Variants in NWD2 observed in about 807,000 individuals in gnomAD.
The protein encoded by NWD2 is NACHT and WD repeat domain containing 2.
NWD2 carries 37 observed loss-of-function variants against 132.7 expected under a neutral mutation model. That is an observed-to-expected ratio of 0.28 (90% confidence interval 0.21 to 0.37). The LOEUF is 0.37. Ranked by LOEUF, NWD2 falls within the 10% of genes least tolerant of loss-of-function variation. The probability of loss-of-function intolerance (pLI) is 1.00; values close to 1 mark genes in which losing one functional copy is unlikely to be tolerated. For synonymous variants in NWD2, 705 were observed against 803.0 expected (o/e 0.88, Z 2.06); for missense variants, 1,592 against 2,122.4 (o/e 0.75, Z 4.91).
intron 3 of NWD2, among the ~76,000 whole-genome samples, chr4:37,380,368 C>T (rs1720430080): frequency 6.6e-6 from 1 of 152,238 alleles, no homozygotes. Context: ...AGAGTACGGA[C>T]TCTGAAATCA....
chr4:37,306,107 A>G (rs1446783232), intron 1 of NWD2, among the ~76,000 whole-genome samples: 4 of 151,988 alleles, frequency 2.6e-5, no homozygotes, highest in African/African-American at 4.8e-5. Flanking sequence ...CATTTTTTGT[A>G]GATTTTCCAT....
intron 2 of NWD2, among the ~76,000 whole-genome samples, chr4:37,332,720 G>A (rs1719319067): frequency 6.6e-6 from 1 of 152,168 alleles, no homozygotes; most frequent in African/African-American, 2.4e-5. Context: ...GAAGAATAAA[G>A]GGAAATTTAT....
chr4:37,354,036 C>T (rs1269372329), intron 2 of NWD2, among the ~76,000 whole-genome samples: 2 of 151,960 alleles, frequency 1.3e-5, no homozygotes, highest in African/African-American at 4.8e-5. Context: ...GTGTGGACAT[C>T]CTTTTTGTTG....
chr4:37,402,719 A>C (rs1447145599), intron 3 of NWD2, among the ~76,000 whole-genome samples: 1 of 152,172 alleles, frequency 6.6e-6, no homozygotes, highest in Non-Finnish European at 1.5e-5. Flanking sequence ...GCTGTTCACA[A>C]ACCCAGCTGC....
chr4:37,334,382 C>G (rs556827055), intron 2 of NWD2, among the ~76,000 whole-genome samples: 8 of 152,342 alleles, frequency 5.3e-5, no homozygotes, highest in African/African-American at 1.9e-4. Flanking sequence ...CCAGTCCATC[C>G]TCAGCCTGTG....
At chr4:37,328,468 C>T (rs970882368) in intron 2 of NWD2, among the ~76,000 whole-genome samples, 2 of 151,870 alleles carry the variant, frequency 1.3e-5, no homozygotes, top group African/African-American at 4.8e-5. Context: ...TTGTTCAATG[C>T]CCACTTATGA....
chr4:37,327,772 G>A (rs1719203103), intron 2 of NWD2, among the ~76,000 whole-genome samples: 1 of 151,978 alleles, frequency 6.6e-6, no homozygotes. Flanking sequence ...TTTTTAGAGA[G>A]GCAGTTCTCT....
intron 1 of NWD2, among the ~76,000 whole-genome samples, chr4:37,264,136 C>A (rs1717703003): frequency 6.6e-6 from 1 of 152,146 alleles, no homozygotes; most frequent in African/African-American, 2.4e-5. Context: ...TCTATCCAAT[C>A]CCAATTTGAA....
At chr4:37,274,106 C>T (rs558434563) in intron 1 of NWD2, among the ~76,000 whole-genome samples, 1 of 151,994 alleles carries the variant, frequency 6.6e-6, no homozygotes, top group East Asian at 1.9e-4. Context: ...GAGATAGAGA[C>T]ACAAAAAACC....
At chr4:37,411,415 C>A (rs1721154449) in intron 3 of NWD2, among the ~76,000 whole-genome samples, 1 of 151,910 alleles carries the variant, frequency 6.6e-6, no homozygotes, top group African/African-American at 2.4e-5. Flanking sequence ...ACACATATAC[C>A]CTCCCAAGTC....
intron 1 of NWD2, among the ~76,000 whole-genome samples, chr4:37,301,639 T>A (rs1011681040): frequency 6.6e-6 from 1 of 152,044 alleles, no homozygotes; most frequent in Non-Finnish European, 1.5e-5. Context: ...TCTAGAGGTT[T>A]TATTAATTTC....
In NWD2 at chr4:37,446,462, G is replaced by A. The variant is rs1712637568; in HGVS notation, c.4474G>A (p.Asp1492Asn). 6.4e-7 allele frequency: 1 copy of A among 1,551,718 alleles called. No homozygotes were observed. Among genetic ancestry groups the A allele is most frequent in the Non-Finnish European group, 8.7e-7 (1 of 1,147,020 alleles). ...TTTTAAATTAATCCCTGACTGTCCT[G>A]ATATCATCGTGTTTATCACATCGGC... Reference protein sequence around the residue: ...VNFKLIPDCPDIIVFITSAET... With the variant: ...VNFKLIPDCPNIIVFITSAET... The change falls in exon 7 of 7, where the codon GAT (aspartate) becomes AAT (asparagine). Residue 1492 changes from aspartate (D) to asparagine (N), a missense_variant. Physicochemically the swap from Asp to Asn is conservative, Grantham distance 23. Coordinates refer to ENST00000309447, the MANE Select transcript of NWD2 (RefSeq NM_001144990.2). The surrounding 1 kb of genome is among the most constrained non-coding windows in gnomAD (Gnocchi z 6.7).
intron 3 of NWD2, among the ~76,000 whole-genome samples, chr4:37,379,804 T>C (rs1024422659): frequency 1.3e-5 from 2 of 152,220 alleles, no homozygotes; most frequent in African/African-American, 2.4e-5. Flanking sequence ...AGATGGGCAC[T>C]TGGACTTCTC....
At chr4:37,430,914 A>G (rs1712159269) in intron 4 of NWD2, 139 bp downstream of exon 4, 6 of 683,468 alleles carry the variant, frequency 8.8e-6, no homozygotes, top group Non-Finnish European at 1.5e-5. Flanking sequence ...TTTTCCTTTT[A>G]ACAACTAAAT....
chr4:37,444,449 C>T lies in NWD2; in HGVS notation c.2461C>T (p.Pro821Ser). 6.4e-7 allele frequency: 1 copy of T among 1,551,944 alleles called. No homozygotes were observed. The highest frequency in any genetic ancestry group is 8.7e-7 in the Non-Finnish European group (1 of 1,147,030). The change falls in exon 7 of 7, where the codon CCC becomes TCC. Residue 821 changes from proline to serine, a missense_variant. By Grantham distance (74) the Pro-to-Ser change is moderately conservative. Around this residue, in one of 7 missense-constraint regions of NWD2, gnomAD observed 1,071 missense variants for 1,398.0 expected, o/e 0.77. Transcript: ENST00000309447. The surrounding 1 kb of genome is among the most constrained non-coding windows in gnomAD (Gnocchi z 4.8). The part of the protein sequence containing the change: ...PDQPWVFQCN[P>S]LEPDIFFVNH... The stretch of plus-strand genomic sequence containing the variant: ...CCAGCCCTGGGTTTTCCAGTGTAAT[C>T]CCCTGGAACCTGACATCTTTTTCGT...
At chr4:37,265,037 T>G (rs1357151185) in intron 1 of NWD2, among the ~76,000 whole-genome samples, 4 of 152,018 alleles carry the variant, frequency 2.6e-5, no homozygotes, top group Non-Finnish European at 4.4e-5. Flanking sequence ...AATATTAAAA[T>G]CAGATCAAAA....
At chr4:37,312,855 G>A (rs995820277) in intron 1 of NWD2, among the ~76,000 whole-genome samples, 2 of 151,084 alleles carry the variant, frequency 1.3e-5, no homozygotes, top group African/African-American at 2.5e-5. Flanking sequence ...GTTGAATTTT[G>A]TCAAAGACCT....
chr4:37,288,626 G>T (rs1165594615), intron 1 of NWD2, among the ~76,000 whole-genome samples: 2 of 152,212 alleles, frequency 1.3e-5, no homozygotes, highest in East Asian at 3.8e-4. Context: ...TTCCATGGAA[G>T]TCTAGTGGTT....
chr4:37,377,457 C>T (rs965823769), intron 3 of NWD2, among the ~76,000 whole-genome samples: 14 of 152,244 alleles, frequency 9.2e-5, no homozygotes, highest in Non-Finnish European at 1.8e-4. Context: ...GGAGACTGGG[C>T]GTGGTGGCTC....
Sources: allele counts gnomAD v4.1 joint callset (sites outside exome capture counted in the v4.1 genomes callset), GRCh38; gene constraint gnomAD v4.1.1; regional missense constraint gnomAD v4.1.1; non-coding constraint Gnocchi (gnomAD v3.1); transcripts MANE v1.5; gene names NCBI Gene and HGNC (gene_info 2026-07-23, HGNC 2026-07-21).